The following CRACD variants were observed in gnomAD, a reference collection of about 807,000 sequenced individuals.
CRACD encodes the protein capping protein inhibiting regulator of actin dynamics, also known as capping protein-inhibiting regulator of actin dynamics.
Under a neutral mutation model 106.8 loss-of-function variants are expected in CRACD, and 56 were observed. That is an observed-to-expected ratio of 0.52 (90% CI 0.42 to 0.66). The LOEUF is 0.66. Among genes scored for constraint, CRACD ranks in the 30% least tolerant of loss-of-function variants. CRACD has a pLI of 0.00. For missense variants in CRACD, 1,730 were observed against 1,623.2 expected (o/e 1.07, Z -1.13); for synonymous variants, 754 against 670.8 (o/e 1.12, Z -1.92).
intron 2 of CRACD, among the ~76,000 whole-genome samples, chr4:56,183,418 C>G (rs914793718): frequency 6.6e-6 from 1 of 152,162 alleles, no homozygotes; most frequent in Non-Finnish European, 1.5e-5. Flanking sequence ...GCAGTCAACT[C>G]TAGAACCTTA....
Position 56,219,235 on chromosome 4 carries a change from G to C in CRACD, c.-189+39805G>C, listed in dbSNP as rs548875081. Among the ~76,000 whole-genome samples the C allele has an allele frequency of 9.9e-4, 151 of 152,312 alleles. 1 individual carries two copies. Among genetic ancestry groups the C allele is most frequent in the African/African-American group, 3.4e-3 (140 of 41,574 alleles). On this transcript the variant is annotated intron_variant, in intron 2 of 10. Coordinates refer to ENST00000682029, the MANE Select transcript of CRACD (RefSeq NM_001393381.1). The stretch of plus-strand genomic sequence containing the variant: ...TTCATTTGAGGATTCTGGTGGGCTA[G>C]ACCACAGTAGGTTATGAAGCAAATT...
intron 1 of CRACD, among the ~76,000 whole-genome samples, chr4:56,062,019 AAC>A (rs1482163805): frequency 1.3e-5 from 2 of 152,234 alleles, no homozygotes; most frequent in East Asian, 3.9e-4. Context: ...CATTTTAAAA[AAC>A]AGTTTATTCG....
rs371837739 is a variant in CRACD, at chr4:56,152,591, A to T, written c.-335-26693A>T. Among the ~76,000 whole-genome samples the T allele has an allele frequency of 1.4e-4, 22 of 152,174 alleles. No individual in the cohort carries two copies. In the East Asian group the frequency reaches 2.7e-3, roughly 19 times the overall value. On this transcript the variant is annotated intron_variant, in intron 1 of 10. Coordinates refer to ENST00000682029, the MANE Select transcript of CRACD (RefSeq NM_001393381.1). The stretch of plus-strand genomic sequence containing the variant: ...CTTTTTTTAAAAAAAGCATTAATGC[A>T]GTATCTGTCCAAAGAGAGGCTCTCT...
rs1387860079 is a variant in CRACD at position 56,314,028 on chromosome 4, T to G, written c.538-12T>G. Reference sequence around the variant, plus strand: ...AGCAAAAGGCTAATTGTGTTTTCCTTTCCAATGTTAGGATCCACAACATGA... The same window carrying G: ...AGCAAAAGGCTAATTGTGTTTTCCTGTCCAATGTTAGGATCCACAACATGA... On this transcript the variant is annotated splice_polypyrimidine_tract_variant and intron_variant, in intron 7 of 10. Coordinates refer to ENST00000682029, the MANE Select transcript of CRACD (RefSeq NM_001393381.1). The surrounding 1 kb of genome is among the most constrained non-coding windows in gnomAD (Gnocchi z 4.4). 11 of 1,607,642 alleles carry G rather than the reference T, an allele frequency of 6.8e-6. No homozygotes were observed. The East Asian group carries it at 2.5e-4, about 36-fold the overall frequency.
At chr4:56,117,776 G>A (rs1734342246) in intron 1 of CRACD, among the ~76,000 whole-genome samples, 3 of 151,970 alleles carry the variant, frequency 2.0e-5, no homozygotes, top group Admixed American at 1.3e-4. Flanking sequence ...GTTTGTTTTC[G>A]AGACAGAGTC....
intron 7 of CRACD, among the ~76,000 whole-genome samples, chr4:56,313,641 G>A (rs368963890): frequency 6.6e-6 from 1 of 152,220 alleles, no homozygotes; most frequent in Non-Finnish European, 1.5e-5. Flanking sequence ...CAGTGGAAAA[G>A]TGGTTTAGCC....
chr4:56,322,892 G>A (rs192267070), intron 8 of CRACD, among the ~76,000 whole-genome samples: 1 of 152,248 alleles, frequency 6.6e-6, no homozygotes, highest in Admixed American at 6.5e-5. Context: ...TGCCAGGTGT[G>A]GTTGCAGGCG....
intron 2 of CRACD, among the ~76,000 whole-genome samples, chr4:56,210,886 C>A (rs543619804): frequency 3.3e-5 from 5 of 152,114 alleles, no homozygotes; most frequent in Non-Finnish European, 7.3e-5. Context: ...CTGGTCTCTG[C>A]ATGTATAGAT....
intron 1 of CRACD, among the ~76,000 whole-genome samples, chr4:56,135,896 T>G (rs1458783441): frequency 6.6e-6 from 1 of 152,240 alleles, no homozygotes; most frequent in Non-Finnish European, 1.5e-5. Context: ...CTCCAAAGTG[T>G]GTGCATGCTC....
intron 2 of CRACD, among the ~76,000 whole-genome samples, chr4:56,214,787 C>T (rs1738597613): frequency 1.3e-5 from 2 of 151,050 alleles, no homozygotes; most frequent in African/African-American, 4.9e-5. Context: ...CCAAGGTAGG[C>T]AAATCATGAG....
chr4:56,104,641 C>T (rs948710448), intron 1 of CRACD, among the ~76,000 whole-genome samples: 1 of 152,176 alleles, frequency 6.6e-6, no homozygotes. Flanking sequence ...TGTGCTTTCC[C>T]TGAAAGCAGG....
intron 2 of CRACD, among the ~76,000 whole-genome samples, chr4:56,203,500 G>A (rs1291410933): frequency 4.6e-5 from 7 of 152,140 alleles, no homozygotes; most frequent in African/African-American, 1.7e-4. Context: ...ATTACAGGCA[G>A]GTCTGGGCAG....
intron 2 of CRACD, among the ~76,000 whole-genome samples, chr4:56,267,377 C>T (rs1202193265): frequency 6.6e-6 from 1 of 152,118 alleles, no homozygotes; most frequent in African/African-American, 2.4e-5. Flanking sequence ...CTGCCTCAGC[C>T]CCGCAAAGTG....
rs958719198 is a variant in CRACD, at chr4:56,328,285, A to G, written c.*481A>G. 5 of 517,464 alleles carry G rather than the reference A, an allele frequency of 9.7e-6. No individual in the cohort carries two copies. The East Asian group carries it at 2.2e-4, about 23-fold the overall frequency. The allele number at this position is 517,464 out of a possible 1,614,324, so 32.1% of individuals were successfully genotyped here. A position where few individuals can be genotyped will look rare whatever the true frequency, so the allele number is the denominator to read the frequency against. ...AAAGGATCATATCTAGCTAAAAGCA[A>G]GAACACCCATTCTCCTGAATGCAGT... is the stretch of plus-strand genomic sequence containing the variant. On this transcript the variant is annotated 3_prime_UTR_variant, in exon 11 of 11. Coordinates refer to ENST00000682029, the MANE Select transcript of CRACD (RefSeq NM_001393381.1).
intron 2 of CRACD, among the ~76,000 whole-genome samples, chr4:56,199,337 G>A (rs1737766213): frequency 6.6e-6 from 1 of 152,152 alleles, no homozygotes; most frequent in South Asian, 2.1e-4. Context: ...CACTCTAATA[G>A]CATCTTTTTC....
chr4:56,314,087 C>T lies in CRACD; in HGVS notation c.585C>T (p.Asp195=). 6.2e-7 allele frequency: 1 copy of T among 1,614,138 alleles called. No homozygotes were observed. The highest frequency in any genetic ancestry group is 8.5e-7 in the Non-Finnish European group (1 of 1,180,016). ...GCCTTGAGAGTCGGCCCTGCCTGGACCAGAACGGACACCCAGGCGAGGACA... is the reference window on the plus strand; with the variant it reads ...GCCTTGAGAGTCGGCCCTGCCTGGATCAGAACGGACACCCAGGCGAGGACA... ...QGGLESRPCL[D]QNGHPGEDKP... The change falls in exon 8 of 11, where the codon GAC becomes GAT. Residue 195 remains aspartate, a synonymous_variant. Transcript: ENST00000682029. The surrounding 1 kb of genome is among the most constrained non-coding windows in gnomAD (Gnocchi z 4.4).
rs1162185260 is a variant in CRACD, at chr4:56,307,683, C to G, written c.269C>G (p.Ser90Ter). The G allele has an allele frequency of 6.2e-7, 1 of 1,614,138 alleles. No homozygotes were observed. The highest frequency in any genetic ancestry group is 1.1e-5 in the South Asian group (1 of 91,078). Residue 90 changes from serine (S) to a stop codon, truncating the protein, a stop_gained, in exon 5 of 11, where the codon TCA (serine) becomes TGA (stop). Transcript: ENST00000682029. LOFTEE classifies it high-confidence loss of function. ...GTGACTCAGCAGGACATCGTCCTCTCAGACGCAGAGAACAAGGTAAGTCTC... is the reference window on the plus strand; with the variant it reads ...GTGACTCAGCAGGACATCGTCCTCTGAGACGCAGAGAACAAGGTAAGTCTC... Reference protein sequence around the residue: ...EIVTQQDIVLSDAENKSSDTP... With the variant: ...EIVTQQDIVL
intron 1 of CRACD, among the ~76,000 whole-genome samples, chr4:56,075,867 T>C (rs1732823725): frequency 6.6e-6 from 1 of 152,212 alleles, no homozygotes; most frequent in South Asian, 2.1e-4. Flanking sequence ...CCCACTGTAG[T>C]TATCCATTCA....
intron 1 of CRACD, among the ~76,000 whole-genome samples, chr4:56,141,606 C>CA (rs901888010): frequency 1.5e-5 from 2 of 133,954 alleles, no homozygotes; most frequent in Non-Finnish European, 3.2e-5. Flanking sequence ...CAAAACTTAA[C>CA]AAAAAAAGCA....
Sources: gnomAD v4.1 joint callset for allele counts (sites outside exome capture counted in the v4.1 genomes callset) on GRCh38, gnomAD v4.1.1 for gene constraint, Gnocchi (gnomAD v3.1) non-coding constraint, MANE v1.5 for transcripts, NCBI Gene and HGNC (gene_info 2026-07-23, HGNC 2026-07-21) for gene names.